The following SAMD12 variants were observed in gnomAD, a reference collection of about 807,000 sequenced individuals.
The protein encoded by SAMD12 is sterile alpha motif domain-containing protein 12.
Under a neutral mutation model 15.0 loss-of-function variants are expected in SAMD12, and 9 were observed. The observed-to-expected ratio is 0.60, with a 90% CI of 0.36 to 1.05. The LOEUF (loss-of-function observed/expected upper bound fraction) is 1.05. Among genes scored for constraint, SAMD12 ranks in the 50% least tolerant of loss-of-function variants. SAMD12 has a pLI of 0.01. For synonymous variants in SAMD12, 86 were observed against 90.1 expected, an observed-to-expected ratio of 0.96 and a Z score of 0.25; for missense variants, 230 against 234.2, an observed-to-expected ratio of 0.98 and a Z score of 0.12.
At chr8:118,608,455 C>CACCTTTCTTCTTGCCT (rs1404526915) in intron 1 of SAMD12, among the ~76,000 whole-genome samples, 1 of 152,102 alleles carries the variant, frequency 6.6e-6, no homozygotes, top group Non-Finnish European at 1.5e-5. Context: ...TGCTCTTGCT[C>CACCTTTCTTCTTGCCT]ACCTTTCTTC....
rs55864364 is a variant in SAMD12, at chr8:118,515,185, A to ATTTTTTT, written c.192+65523_192+65529dup. Among the ~76,000 whole-genome samples the ATTTTTTT allele has an allele frequency of 5.1e-4, 53 of 103,290 alleles. 1 individual carries two copies. Among genetic ancestry groups the ATTTTTTT allele is most frequent in the East Asian group, 1.3e-3 (5 of 3,900 alleles). 67.8% of individuals were successfully genotyped at this position (103,290 alleles called of 152,430 possible). A position where few individuals can be genotyped will look rare whatever the true frequency, so the allele number is the denominator to read the frequency against. ...AGGCGCCCGCCACCACGCCCAGCTA[A>ATTTTTTT]TTTTTTTTTTTTTTTTTTTTTGTAT... On this transcript the variant is annotated intron_variant, in intron 2 of 3. Transcript: ENST00000314727.
intron 3 of SAMD12, among the ~76,000 whole-genome samples, chr8:118,409,881 C>T (rs1236405180): frequency 7.6e-6 from 1 of 132,058 alleles, no homozygotes. Context: ...AATAATGTTC[C>T]ACTCTTTAAG....
At chr8:118,518,685 G>A (rs1258735851) in intron 2 of SAMD12, among the ~76,000 whole-genome samples, 2 of 152,072 alleles carry the variant, frequency 1.3e-5, no homozygotes, top group African/African-American at 2.4e-5. Context: ...TACACACCTC[G>A]GAATAAGCTT....
intron 2 of SAMD12, among the ~76,000 whole-genome samples, chr8:118,483,182 C>T (rs1367176865): frequency 6.6e-6 from 1 of 152,162 alleles, no homozygotes; most frequent in Non-Finnish European, 1.5e-5. Flanking sequence ...ATAATAGTGT[C>T]AGAAAACATA....
At chr8:118,238,723 A>G (rs1812492014) in intron 4 of SAMD12, among the ~76,000 whole-genome samples, 1 of 152,158 alleles carries the variant, frequency 6.6e-6, no homozygotes, top group African/African-American at 2.4e-5. Context: ...CAATAGCCTT[A>G]TCAGTATTTT....
intron 4 of SAMD12, among the ~76,000 whole-genome samples, chr8:118,350,736 AAGGCTAACCGTATTTTGGTTGCTTC>A (rs1274992276): frequency 2.6e-5 from 4 of 152,190 alleles, no homozygotes; most frequent in African/African-American, 4.8e-5. Flanking sequence ...CCCACACAGA[AAGGCTAACCGTATTTTGGTTGCTTC>A]AAAACAGATA....
chr8:118,332,623 A>C (rs1168239378), intron 4 of SAMD12, among the ~76,000 whole-genome samples: 1 of 152,184 alleles, frequency 6.6e-6, no homozygotes, highest in Non-Finnish European at 1.5e-5. Context: ...AGGGCATGGG[A>C]CCTTGGCTCA....
chr8:118,485,214 T>C (rs536166200), intron 2 of SAMD12, among the ~76,000 whole-genome samples: 1 of 152,254 alleles, frequency 6.6e-6, no homozygotes, highest in Non-Finnish European at 1.5e-5. Flanking sequence ...GACCCCCACC[T>C]TCACACTCCA....
intron 4 of SAMD12, among the ~76,000 whole-genome samples, chr8:118,248,007 A>G (rs1812736387): frequency 6.6e-6 from 1 of 152,148 alleles, no homozygotes; most frequent in Non-Finnish European, 1.5e-5. Context: ...ACAGTCACAT[A>G]CAACAGGGAT....
the SAMD12 span, among the ~76,000 whole-genome samples, chr8:118,151,771 A>G: frequency 2.0e-5 from 3 of 151,524 alleles, no homozygotes; most frequent in Non-Finnish European, 2.9e-5. Flanking sequence ...CAGAGCTTGC[A>G]GTGAGCTGAG....
intron 4 of SAMD12, among the ~76,000 whole-genome samples, chr8:118,247,746 C>G (rs1403371287): frequency 6.6e-6 from 1 of 152,024 alleles, no homozygotes; most frequent in African/African-American, 2.4e-5. Flanking sequence ...GCACGCACCA[C>G]CACTCCTGAC....
intron 2 of SAMD12, among the ~76,000 whole-genome samples, chr8:118,567,878 T>C (rs1200496006): frequency 6.6e-6 from 1 of 152,208 alleles, no homozygotes; most frequent in East Asian, 1.9e-4. Context: ...TATATCTTAA[T>C]AGCCTACCAG....
chr8:118,399,263 C>T (rs1451809843), intron 3 of SAMD12, among the ~76,000 whole-genome samples: 5 of 150,968 alleles, frequency 3.3e-5, no homozygotes, highest in Non-Finnish European at 7.4e-5. Flanking sequence ...TGTGAAAGAC[C>T]AGATAAAAGT....
At chr8:118,492,674 G>C (rs1055925632) in intron 2 of SAMD12, among the ~76,000 whole-genome samples, 1 of 151,972 alleles carries the variant, frequency 6.6e-6, no homozygotes, top group East Asian at 1.9e-4. Context: ...TTTAAGAAGA[G>C]AAACATATTT....
intron 2 of SAMD12, among the ~76,000 whole-genome samples, chr8:118,541,944 C>T (rs567840140): frequency 6.2e-4 from 94 of 152,246 alleles, no homozygotes; most frequent in Non-Finnish European, 1.1e-3. Context: ...GTAACAGTCT[C>T]CTGAGTAGCT....
the SAMD12 span, among the ~76,000 whole-genome samples, chr8:118,148,368 T>C: frequency 1.3e-5 from 2 of 152,194 alleles, no homozygotes; most frequent in African/African-American, 2.4e-5. Flanking sequence ...AAACTATTAA[T>C]TTTGGGTATG....
chr8:118,474,416 T>A (rs1823896530), intron 2 of SAMD12, among the ~76,000 whole-genome samples: 1 of 152,166 alleles, frequency 6.6e-6, no homozygotes. Context: ...GTTTTGCTCT[T>A]GTTGCCTAGG....
chr8:118,504,060 GT>G (rs1824857548), intron 2 of SAMD12, among the ~76,000 whole-genome samples: 2 of 152,020 alleles, frequency 1.3e-5, no homozygotes, highest in Admixed American at 6.6e-5. Context: ...TTCCTGCTTT[GT>G]TTAAATCAGG....
At chr8:118,190,018 G>A (rs1196425798) in exon 5 of SAMD12, 2 of 148,470 alleles carry the variant, frequency 1.3e-5, no homozygotes, top group Non-Finnish European at 3.0e-5. Context: ...TAATACTTAT[G>A]TAATTAAACA....
Sources: gnomAD v4.1 joint callset for allele counts (sites outside exome capture counted in the v4.1 genomes callset) on GRCh38, gnomAD v4.1.1 for gene constraint, MANE v1.5 for transcripts, NCBI Gene and HGNC (gene_info 2026-07-23, HGNC 2026-07-21) for gene names.